ANKS1B: variants seen among roughly 807,000 people sequenced by gnomAD.
ANKS1B encodes ankyrin repeat and sterile alpha motif domain containing 1B, also known as ankyrin repeat and sterile alpha motif domain-containing protein 1B.
A neutral mutation model predicts 148.3 loss-of-function variants in ANKS1B; 36 were observed. The ratio of observed to expected loss-of-function variants is 0.24; its 90% confidence interval spans 0.19 to 0.32. ANKS1B has a LOEUF of 0.32. ANKS1B is among the 10% of genes least tolerant of loss of function. The pLI, the probability that ANKS1B is intolerant of heterozygous loss-of-function variation, is 1.00. For missense variants in ANKS1B, 1,157 were observed against 1,542.6 expected (o/e 0.75, Z 4.19); for synonymous variants, 542 against 560.8 (o/e 0.97, Z 0.47).
At chr12:99,736,761 C>A (rs1458399737) in intron 8 of ANKS1B, among the ~76,000 whole-genome samples, 3 of 152,034 alleles carry the variant, frequency 2.0e-5, no homozygotes, top group Non-Finnish European at 2.9e-5. Flanking sequence ...GAGAGACAAC[C>A]TATTGAATGA....
At chr12:98,854,359 C>T (rs1019707402) in intron 17 of ANKS1B, among the ~76,000 whole-genome samples, 5 of 152,234 alleles carry the variant, frequency 3.3e-5, no homozygotes, top group African/African-American at 1.2e-4. Context: ...CATTTGTTCT[C>T]CTCCATATCT....
intron 8 of ANKS1B, among the ~76,000 whole-genome samples, chr12:99,731,130 T>C (rs962322428): frequency 6.6e-6 from 1 of 151,398 alleles, no homozygotes; most frequent in Non-Finnish European, 1.5e-5. Context: ...TTTATTTGTT[T>C]GTTTTTGAGA....
intron 1 of ANKS1B, among the ~76,000 whole-genome samples, chr12:99,910,528 A>C (rs917663654): frequency 9.2e-5 from 14 of 152,212 alleles, no homozygotes; most frequent in Non-Finnish European, 1.6e-4. Context: ...AAAGTAGATT[A>C]GTAATTGTCT....
chr12:99,708,988 G>GA (rs1435028305), intron 8 of ANKS1B, among the ~76,000 whole-genome samples: 1 of 152,118 alleles, frequency 6.6e-6, no homozygotes, highest in Non-Finnish European at 1.5e-5. Context: ...ATTAGAGATT[G>GA]AAAATCAATA....
chr12:98,867,598 C>T lies in ANKS1B; in HGVS notation c.2779-35462G>A, dbSNP rs532901796. 1.6e-3 allele frequency among the ~76,000 whole-genome samples: 242 copies of T among 152,298 alleles called. 2 individuals carry two copies. The highest frequency in any genetic ancestry group is 5.3e-3 in the African/African-American group (222 of 41,570). ...TCAGTTTGTCGGGCGCAGTGGCTCACGCCTGTAGTCCCAGCACTTTGGGAG... is the reference window on the plus strand; with the variant it reads ...TCAGTTTGTCGGGCGCAGTGGCTCATGCCTGTAGTCCCAGCACTTTGGGAG... On this transcript the variant is annotated intron_variant, in intron 17 of 26. Transcript: ENST00000683438.
At position 99,520,803 on chromosome 12, in the gene ANKS1B, T is replaced by C. The variant is rs538030645; in HGVS notation, c.1273-16162A>G. 1.9e-4 allele frequency among the ~76,000 whole-genome samples: 29 copies of C among 152,268 alleles called. No homozygotes were observed. In the South Asian group the frequency reaches 6.0e-3, roughly 32 times the overall value. ...CTGTGTTTTTTGTTTTGTTTAGTTT[T>C]TTGTTTTCTTGAGATGGAGTTTCGC... On this transcript the variant is annotated intron_variant, in intron 9 of 26. Coordinates refer to ENST00000683438, the MANE Select transcript of ANKS1B (RefSeq NM_001352186.2).
intron 1 of ANKS1B, among the ~76,000 whole-genome samples, chr12:99,842,829 A>G (rs1040041865): frequency 1.3e-5 from 2 of 152,172 alleles, no homozygotes; most frequent in African/African-American, 4.8e-5. Context: ...TTAATGCATG[A>G]GCATTGAAAA....
chr12:99,187,354 C>G (rs2080006052), intron 14 of ANKS1B, among the ~76,000 whole-genome samples: 1 of 152,058 alleles, frequency 6.6e-6, no homozygotes, highest in Non-Finnish European at 1.5e-5. Context: ...GAAGGTACTC[C>G]TTCATGAGAA....
chr12:99,223,572 T>C (rs2153940887), intron 14 of ANKS1B, among the ~76,000 whole-genome samples: 1 of 152,218 alleles, frequency 6.6e-6, no homozygotes, highest in South Asian at 2.1e-4. Context: ...TATGAGAATC[T>C]AATGCTGCTG....
At chr12:98,900,100 G>A (rs1203611432) in intron 17 of ANKS1B, among the ~76,000 whole-genome samples, 1 of 152,152 alleles carries the variant, frequency 6.6e-6, no homozygotes, top group Non-Finnish European at 1.5e-5. Context: ...GAACAAAAAG[G>A]CAGTTACTGT....
At chr12:99,294,650 T>C (rs573441705) in intron 12 of ANKS1B, among the ~76,000 whole-genome samples, 35 of 151,676 alleles carry the variant, frequency 2.3e-4, no homozygotes, top group Non-Finnish European at 4.4e-4. Flanking sequence ...AACAATAAAT[T>C]ATTGCACTTC....
intron 8 of ANKS1B, among the ~76,000 whole-genome samples, chr12:99,713,465 A>G (rs977869594): frequency 1.3e-5 from 2 of 152,184 alleles, no homozygotes; most frequent in Admixed American, 1.3e-4. Flanking sequence ...ACTATAAGAA[A>G]CAAGAAACCA....
chr12:99,942,118 T>C (rs1202939426), intron 1 of ANKS1B, among the ~76,000 whole-genome samples: 1 of 151,930 alleles, frequency 6.6e-6, no homozygotes, highest in Non-Finnish European at 1.5e-5. Context: ...TTGGAGATGA[T>C]CCATATTTAA....
Position 99,773,109 on chromosome 12 carries a change from G to T in ANKS1B, c.962-21C>A, listed in dbSNP as rs374274479. 1.6e-5 allele frequency: 26 copies of T among 1,579,904 alleles called. 1 individual carries two copies. Among genetic ancestry groups the T allele is most frequent in the East Asian group, 9.0e-5 (4 of 44,426 alleles). On this transcript the variant is annotated intron_variant, in intron 7 of 26. Coordinates refer to ENST00000683438, the MANE Select transcript of ANKS1B (RefSeq NM_001352186.2). ...TTCACCTATGAGAATAATTTTTTCA[G>T]AAGTTTCAAGAAAGGCTATTGTTAA...
At chr12:99,164,814 C>A (rs2153832643) in intron 14 of ANKS1B, among the ~76,000 whole-genome samples, 1 of 152,184 alleles carries the variant, frequency 6.6e-6, no homozygotes, top group African/African-American at 2.4e-5. Context: ...AATTTCCTCA[C>A]AGTATATTCC....
At chr12:98,973,813 T>C (rs2099886196) in intron 17 of ANKS1B, among the ~76,000 whole-genome samples, 1 of 152,190 alleles carries the variant, frequency 6.6e-6, no homozygotes, top group African/African-American at 2.4e-5. Flanking sequence ...TAAACTTTAT[T>C]ATAGATATCT....
intron 17 of ANKS1B, among the ~76,000 whole-genome samples, chr12:98,943,806 G>A (rs1225067478): frequency 6.6e-6 from 1 of 152,238 alleles, no homozygotes; most frequent in Admixed American, 6.5e-5. Flanking sequence ...GGAGTGGGAT[G>A]TAGACATCTT....
chr12:99,614,755 C>G (rs2097936905), intron 9 of ANKS1B, among the ~76,000 whole-genome samples: 1 of 151,986 alleles, frequency 6.6e-6, no homozygotes, highest in South Asian at 2.1e-4. Context: ...TCTGTTCATG[C>G]TTTTCACTCA....
At chr12:98,929,865 A>G (rs1214846554) in intron 17 of ANKS1B, among the ~76,000 whole-genome samples, 1 of 152,160 alleles carries the variant, frequency 6.6e-6, no homozygotes. Flanking sequence ...AAATCTTCAG[A>G]ATCTTGGATC....
Sources: gnomAD v4.1 joint callset for allele counts (sites outside exome capture counted in the v4.1 genomes callset) on GRCh38, gnomAD v4.1.1 for gene constraint, MANE v1.5 for transcripts, NCBI Gene and HGNC (gene_info 2026-07-23, HGNC 2026-07-21) for gene names.